Variants in UNC13C observed in about 807,000 individuals in gnomAD.
The protein encoded by UNC13C is protein unc-13 homolog C.
In UNC13C, 174 loss-of-function variants were observed where a neutral mutation model predicts 245.4. The ratio of observed to expected loss-of-function variants is 0.71; its 90% CI spans 0.63 to 0.80. UNC13C has a LOEUF of 0.80. Ranked by LOEUF, UNC13C falls within the 30% of genes least tolerant of loss-of-function variation. The probability of loss-of-function intolerance (pLI) is 0.00; values close to 1 mark genes in which losing one functional copy is unlikely to be tolerated. For missense variants in UNC13C, 2,829 were observed against 2,602.9 expected (o/e 1.09, Z -1.89); for synonymous variants, 992 against 895.1 (o/e 1.11, Z -1.93).
chr15:54,067,422 G>A (rs978041468), intron 2 of UNC13C, among the ~76,000 whole-genome samples: 1 of 152,070 alleles, frequency 6.6e-6, no homozygotes. Flanking sequence ...TATTTGACTT[G>A]TTTCAATTGA....
rs576865250 is a variant in UNC13C, at chr15:54,098,633, C to G, written c.2984-44385C>G. On this transcript the variant is annotated intron_variant, in intron 2 of 32. Transcript: ENST00000260323. ...TCTTAGTAGATTATAAAAGAAACAC[C>G]AGCATAAGATAAACAGGTCTGTATC... Among the ~76,000 whole-genome samples, 5 of 152,134 alleles carry G rather than the reference C, an allele frequency of 3.3e-5. No homozygotes were observed. The South Asian group carries it at 8.3e-4, about 25-fold the overall frequency.
intron 10 of UNC13C, among the ~76,000 whole-genome samples, chr15:54,275,114 A>G (rs2036798496): frequency 6.6e-6 from 1 of 152,206 alleles, no homozygotes; most frequent in Non-Finnish European, 1.5e-5. Context: ...AAACATCTAA[A>G]TGCCCCGAAT....
chr15:54,075,282 G>A (rs1485818405), intron 2 of UNC13C, among the ~76,000 whole-genome samples: 1 of 151,928 alleles, frequency 6.6e-6, no homozygotes, highest in Non-Finnish European at 1.5e-5. Context: ...TCAGGAGATG[G>A]AGACCACCCT....
intron 19 of UNC13C, among the ~76,000 whole-genome samples, chr15:54,492,502 T>A (rs999269424): frequency 6.6e-6 from 1 of 152,176 alleles, no homozygotes; most frequent in Non-Finnish European, 1.5e-5. Context: ...CATAGAAATT[T>A]ACATGCACAA....
chr15:54,587,193 C>T (rs1471096276), intron 30 of UNC13C, among the ~76,000 whole-genome samples: 2 of 151,760 alleles, frequency 1.3e-5, no homozygotes, highest in African/African-American at 2.4e-5. Flanking sequence ...GGTGAAATGA[C>T]AGAATTTTAT....
At chr15:54,305,575 T>G (rs2037704418) in intron 13 of UNC13C, among the ~76,000 whole-genome samples, 1 of 152,104 alleles carries the variant, frequency 6.6e-6, no homozygotes, top group Non-Finnish European at 1.5e-5. Context: ...ATAGGTATTT[T>G]TCTGTTGTTC....
At chr15:54,515,229 C>A (rs920589958) in intron 24 of UNC13C, among the ~76,000 whole-genome samples, 1 of 152,002 alleles carries the variant, frequency 6.6e-6, no homozygotes, top group Non-Finnish European at 1.5e-5. Context: ...AATAGCCAAC[C>A]CGTGTTATAG....
intron 19 of UNC13C, among the ~76,000 whole-genome samples, chr15:54,453,235 A>T (rs554042742): frequency 2.1e-3 from 321 of 152,270 alleles, no homozygotes; most frequent in Non-Finnish European, 3.3e-3. Flanking sequence ...ACTGCTAGGG[A>T]TCACTCACTT....
chr15:54,105,673 A>T (rs1900409599), intron 2 of UNC13C, among the ~76,000 whole-genome samples: 1 of 152,226 alleles, frequency 6.6e-6, no homozygotes, highest in Non-Finnish European at 1.5e-5. Context: ...AAATATAGAG[A>T]CAGAAAAACT....
intron 4 of UNC13C, among the ~76,000 whole-genome samples, chr15:54,165,753 G>C (rs1166132876): frequency 6.6e-6 from 1 of 151,842 alleles, no homozygotes; most frequent in Non-Finnish European, 1.5e-5. Flanking sequence ...TTAGTAAATT[G>C]TCCTCAACAT....
At chr15:54,176,085 G>A (rs972210481) in intron 4 of UNC13C, among the ~76,000 whole-genome samples, 4 of 151,968 alleles carry the variant, frequency 2.6e-5, no homozygotes, top group African/African-American at 9.7e-5. Context: ...TTTTTAACAT[G>A]CTTCTGCATT....
intron 2 of UNC13C, among the ~76,000 whole-genome samples, chr15:54,127,216 A>G (rs1015958033): frequency 6.6e-6 from 1 of 152,190 alleles, no homozygotes; most frequent in Non-Finnish European, 1.5e-5. Flanking sequence ...TATATACCCA[A>G]AGGATTATAA....
chr15:54,012,766 G>C lies in UNC13C; in HGVS notation c.-138G>C. On this transcript the variant is annotated 5_prime_UTR_variant, in exon 2 of 33. Transcript: ENST00000260323. ...TGCACAGGACAGCGACAATGTGGCA[G>C]AGCCATGCCTGCCCTTCCTGCTCTT... is the stretch of plus-strand genomic sequence containing the variant. 1 of 676,888 alleles carries C rather than the reference G, an allele frequency of 1.5e-6. No homozygotes were observed. Among genetic ancestry groups the C allele is most frequent in the Non-Finnish European group, 2.5e-6 (1 of 395,806 alleles). 41.9% of individuals were successfully genotyped at this position (676,888 alleles called of 1,614,324 possible).
chr15:54,061,069 T>A (rs1339122263), intron 2 of UNC13C, among the ~76,000 whole-genome samples: 1 of 152,058 alleles, frequency 6.6e-6, no homozygotes, highest in Admixed American at 6.5e-5. Flanking sequence ...TATACATATG[T>A]AACAAACGTG....
chr15:54,189,667 A>C (rs2034113948), intron 4 of UNC13C, among the ~76,000 whole-genome samples: 1 of 152,276 alleles, frequency 6.6e-6, no homozygotes, highest in African/African-American at 2.4e-5. Context: ...GAAACAAGAT[A>C]ATTAAGATAA....
At chr15:54,127,592 A>C (rs1055328088) in intron 2 of UNC13C, among the ~76,000 whole-genome samples, 1 of 151,784 alleles carries the variant, frequency 6.6e-6, no homozygotes, top group African/African-American at 2.4e-5. Context: ...GCATTAAGAG[A>C]AATAGCTAAT....
chr15:53,869,051 T>C, the UNC13C span, among the ~76,000 whole-genome samples: 2 of 152,226 alleles, frequency 1.3e-5, no homozygotes, highest in East Asian at 3.9e-4. Flanking sequence ...CAAGGCTGCA[T>C]TGATCCATGA....
intron 4 of UNC13C, among the ~76,000 whole-genome samples, chr15:54,195,431 T>C (rs540602216): frequency 1.3e-5 from 2 of 152,312 alleles, no homozygotes; most frequent in South Asian, 4.1e-4. Context: ...GCTGTGGGGA[T>C]GCGAATTCTT....
chr15:54,509,324 T>C (rs1255989093), intron 23 of UNC13C, among the ~76,000 whole-genome samples: 3 of 152,234 alleles, frequency 2.0e-5, no homozygotes, highest in Admixed American at 6.5e-5. Context: ...ACATTTTAAA[T>C]TGGAAATGGG....
Sources: allele counts gnomAD v4.1 joint callset (sites outside exome capture counted in the v4.1 genomes callset), GRCh38; gene constraint gnomAD v4.1.1; transcripts MANE v1.5; gene names NCBI Gene and HGNC (gene_info 2026-07-23, HGNC 2026-07-21).